MAGT1: variants seen among roughly 807,000 people sequenced by gnomAD.
MAGT1 encodes the protein dolichyl-diphosphooligosaccharide--protein glycosyltransferase subunit MAGT1.
A neutral mutation model predicts 28.4 loss-of-function variants in MAGT1; 4 were observed. The observed-to-expected ratio is 0.14, with a 90% confidence interval of 0.07 to 0.32. MAGT1 has a LOEUF of 0.32. Ranked by LOEUF, MAGT1 falls within the 10% of genes least tolerant of loss-of-function variation. MAGT1 has a pLI of 1.00. For synonymous variants in MAGT1, 89 were observed against 89.7 expected, an observed-to-expected ratio of 0.99 and a Z score of 0.04; for missense variants, 193 against 264.5, an observed-to-expected ratio of 0.73 and a Z score of 1.88.
chrX:77,856,958 A>AG, intron 4 of MAGT1, 85 bp from the exon 5 acceptor site: 2 of 886,170 alleles, frequency 2.3e-6, no homozygotes, highest in Non-Finnish European at 3.2e-6. Context: ...AAATGAAAGC[A>AG]ATCAAAATTA....
chrX:77,870,482 T>TTACA (rs1244426326), intron 3 of MAGT1, among the ~76,000 whole-genome samples: 8 of 111,396 alleles, frequency 7.2e-5, no homozygotes, highest in Non-Finnish European at 1.5e-4. Context: ...GACTTCAATA[T>TTACA]TACATAATGG....
Position 77,826,265 on chromosome X carries a change from T to A in MAGT1, c.*2955A>T, listed in dbSNP as rs2149006895. ...CCTTAGGACAATATGAAATTTAAAT[T>A]AATTTAATTATAACTTCAAAATGTA... is the stretch of plus-strand genomic sequence containing the variant. On this transcript the variant is annotated 3_prime_UTR_variant, in exon 10 of 10. Coordinates refer to ENST00000618282, the MANE Select transcript of MAGT1 (RefSeq NM_001367916.1). 8.9e-6 allele frequency: 1 copy of A among 112,132 alleles called. No homozygotes were observed. Among genetic ancestry groups the A allele is most frequent in the African/African-American group, 3.2e-5 (1 of 30,991 alleles). 9.2% of individuals were successfully genotyped at this position (112,132 alleles called of 1,213,427 possible). A position where few individuals can be genotyped will look rare whatever the true frequency, so the allele number is the denominator to read the frequency against.
intron 8 of MAGT1, among the ~76,000 whole-genome samples, chrX:77,836,295 T>C (rs113964456): frequency 0.045 from 5,021 of 110,802 alleles, 133 homozygotes; most frequent in Non-Finnish European, 0.074. Flanking sequence ...CCAAAAAAAA[T>C]AGAATAAATA....
chrX:77,836,757 G>T (rs1379226086), intron 8 of MAGT1, among the ~76,000 whole-genome samples: 1 of 110,805 alleles, frequency 9.0e-6, no homozygotes, highest in East Asian at 2.8e-4. Context: ...TTACCCAGGT[G>T]TGGCAGTGCA....
chrX:77,891,006 T>G (rs1296465838), intron 1 of MAGT1, among the ~76,000 whole-genome samples: 1 of 111,292 alleles, frequency 9.0e-6, no homozygotes, highest in Admixed American at 9.7e-5. Context: ...CATATTATTA[T>G]TATTATTATA....
At chrX:77,847,026 C>T (rs1404286773) in intron 7 of MAGT1, among the ~76,000 whole-genome samples, 3 of 112,175 alleles carry the variant, frequency 2.7e-5, no homozygotes, top group African/African-American at 9.7e-5. Flanking sequence ...GCCCTGCTCC[C>T]AGACCTGGAG....
chrX:77,852,932 G>A (rs186370435), intron 7 of MAGT1, among the ~76,000 whole-genome samples: 81 of 111,801 alleles, frequency 7.2e-4, no homozygotes, highest in African/African-American at 1.5e-3. Context: ...CACCCTGGCT[G>A]AGAAGCACAA....
intron 7 of MAGT1, among the ~76,000 whole-genome samples, chrX:77,847,025 C>T (rs1301809569): frequency 2.7e-5 from 3 of 112,094 alleles, no homozygotes; most frequent in African/African-American, 9.7e-5. Context: ...TGCCCTGCTC[C>T]CAGACCTGGA....
chrX:77,876,165 T>TATA (rs1491126690), intron 1 of MAGT1, among the ~76,000 whole-genome samples: 245 of 13,299 alleles, frequency 0.018, 1 homozygote, highest in African/African-American at 0.044. Context: ...TATATATATA[T>TATA]TTTTTTTTTT....
intron 7 of MAGT1, among the ~76,000 whole-genome samples, chrX:77,851,909 G>A (rs145722791): frequency 0.031 from 3,124 of 101,278 alleles, 61 homozygotes; most frequent in East Asian, 0.11. Context: ...CCCGCCGCCC[G>A]CCCCCTGAGA....
At chrX:77,851,319 G>A (rs373050010) in intron 7 of MAGT1, among the ~76,000 whole-genome samples, 77 of 108,816 alleles carry the variant, frequency 7.1e-4, no homozygotes, top group African/African-American at 1.4e-3. Flanking sequence ...GGGTTCAAGC[G>A]ATTCTCCTGC....
chrX:77,841,281 G>A lies in MAGT1; in HGVS notation c.866C>T (p.Ala289Val). The A allele has an allele frequency of 8.3e-7, 1 of 1,208,067 alleles. No individual in the cohort carries two copies. The highest frequency in any genetic ancestry group is 1.1e-6 in the Non-Finnish European group (1 of 892,386). ...TCCAATATCCATGTCAGAGGTAGCAGCTTCACATAAAAGCACCATTCCTAA... is the reference window on the plus strand; with the variant it reads ...TCCAATATCCATGTCAGAGGTAGCAACTTCACATAAAAGCACCATTCCTAA... Reference protein sequence around the residue: ...VTLGMVLLCEAATSDMDIGKR... With the variant: ...VTLGMVLLCEVATSDMDIGKR... The change falls in exon 8 of 10, where the codon GCT becomes GTT. Residue 289 changes from alanine (A) to valine (V), a missense_variant. Coordinates refer to ENST00000618282, the MANE Select transcript of MAGT1 (RefSeq NM_001367916.1).
intron 1 of MAGT1, among the ~76,000 whole-genome samples, chrX:77,884,475 A>AGGATT (rs1478887137): frequency 9.0e-6 from 1 of 111,259 alleles, no homozygotes; most frequent in Non-Finnish European, 1.9e-5. Flanking sequence ...TTGAGAAAAC[A>AGGATT]GGATTGGAGA....
chrX:77,892,534 T>C (rs781849535), intron 1 of MAGT1, among the ~76,000 whole-genome samples: 43 of 111,647 alleles, frequency 3.9e-4, no homozygotes, highest in African/African-American at 1.3e-3. Flanking sequence ...CAGTGGCTCA[T>C]GCCTGTAATC....
chrX:77,879,624 A>C (rs1222270226), intron 1 of MAGT1, among the ~76,000 whole-genome samples: 1 of 110,932 alleles, frequency 9.0e-6, no homozygotes, highest in African/African-American at 3.3e-5. Flanking sequence ...CTACAAGAGA[A>C]CAGAGACCCA....
chrX:77,847,915 GA>G (rs782446910), intron 7 of MAGT1, among the ~76,000 whole-genome samples: 2 of 111,267 alleles, frequency 1.8e-5, no homozygotes, highest in Non-Finnish European at 3.8e-5. Flanking sequence ...CCCGGCCAAA[GA>G]TTGATCATTT....
intron 7 of MAGT1, among the ~76,000 whole-genome samples, chrX:77,844,869 T>C (rs2076946447): frequency 9.0e-6 from 1 of 111,704 alleles, no homozygotes; most frequent in Non-Finnish European, 1.9e-5. Flanking sequence ...TCCAACTATG[T>C]GGTCAATTTT....
intron 1 of MAGT1, among the ~76,000 whole-genome samples, chrX:77,889,002 G>T (rs782543486): frequency 9.6e-4 from 104 of 108,627 alleles, no homozygotes; most frequent in Middle Eastern, 9.5e-3. Context: ...TTGGGACAGG[G>T]TCTGGCTCTG....
chrX:77,839,318 C>CA (rs1404401659), intron 8 of MAGT1, among the ~76,000 whole-genome samples: 61 of 104,232 alleles, frequency 5.9e-4, no homozygotes, highest in African/African-American at 2.0e-3. Context: ...ACAACAACAA[C>CA]AACAAAACCA....
Sources: allele counts gnomAD v4.1 joint callset (sites outside exome capture counted in the v4.1 genomes callset), GRCh38; gene constraint gnomAD v4.1.1; transcripts MANE v1.5; gene names NCBI Gene and HGNC (gene_info 2026-07-23, HGNC 2026-07-21).